The following CLNK variants were observed in gnomAD, a reference collection of about 807,000 sequenced individuals.
CLNK encodes the protein cytokine-dependent hematopoietic cell linker.
Under a neutral mutation model 68.6 loss-of-function variants are expected in CLNK, and 74 were observed. That is an observed-to-expected ratio of 1.08 (90% CI 0.89 to 1.31). CLNK has a LOEUF of 1.31. Among genes scored for constraint, CLNK ranks in the 50% most tolerant of loss-of-function variants. The pLI is 0.00. For missense variants in CLNK, 553 were observed against 515.3 expected, an observed-to-expected ratio of 1.07 and a Z score of -0.71; for synonymous variants, 198 against 172.2, an observed-to-expected ratio of 1.15 and a Z score of -1.17.
chr4:10,526,359 G>C (rs1281656625), intron 13 of CLNK, among the ~76,000 whole-genome samples: 1 of 152,056 alleles, frequency 6.6e-6, no homozygotes, highest in Non-Finnish European at 1.5e-5. Context: ...AGACAGACAT[G>C]GTTCGTACAT....
intron 8 of CLNK, among the ~76,000 whole-genome samples, chr4:10,555,709 C>T (rs960117262): frequency 6.6e-6 from 1 of 152,122 alleles, no homozygotes; most frequent in Non-Finnish European, 1.5e-5. Context: ...CTGAACCAAC[C>T]AATATGTTTT....
chr4:10,583,736 CTGG>C (rs1720872285), intron 4 of CLNK, among the ~76,000 whole-genome samples: 2 of 152,180 alleles, frequency 1.3e-5, no homozygotes, highest in African/African-American at 4.8e-5. Context: ...CTTTTTCCTG[CTGG>C]TGTCTCTAGA....
the CLNK span, among the ~76,000 whole-genome samples, chr4:10,722,757 ACT>A: frequency 6.6e-6 from 1 of 151,978 alleles, no homozygotes; most frequent in African/African-American, 2.4e-5. Flanking sequence ...GGGTTTCAAT[ACT>A]CTCTAGACGG....
intron 1 of CLNK, among the ~76,000 whole-genome samples, chr4:10,679,965 C>T (rs1214631333): frequency 6.6e-6 from 1 of 152,140 alleles, no homozygotes. Flanking sequence ...GTGGTGATTC[C>T]TCAGGGATCT....
intron 15 of CLNK, among the ~76,000 whole-genome samples, chr4:10,514,628 G>T (rs1362148727): frequency 1.3e-5 from 2 of 150,896 alleles, no homozygotes; most frequent in Admixed American, 6.6e-5. Flanking sequence ...TTAAACGTTA[G>T]ACCAAAAACC....
chr4:10,688,949 C>T (rs1450674435), upstream of CLNK, among the ~76,000 whole-genome samples: 1 of 151,834 alleles, frequency 6.6e-6, no homozygotes, highest in South Asian at 2.1e-4. Flanking sequence ...CACCCAGTTT[C>T]CCCCCGAGAA....
At chr4:10,629,958 C>T (rs1245083504) in intron 2 of CLNK, among the ~76,000 whole-genome samples, 1 of 152,182 alleles carries the variant, frequency 6.6e-6, no homozygotes, top group East Asian at 1.9e-4. Flanking sequence ...AGTCCTCACC[C>T]AGGGCTTCTG....
At chr4:10,621,739 T>A (rs1334145472) in intron 2 of CLNK, among the ~76,000 whole-genome samples, 1 of 152,152 alleles carries the variant, frequency 6.6e-6, no homozygotes, top group African/African-American at 2.4e-5. Flanking sequence ...ACTTTCCAGG[T>A]GGGGTCTGGG....
intron 8 of CLNK, among the ~76,000 whole-genome samples, chr4:10,547,895 T>C (rs1265578292): frequency 6.6e-6 from 1 of 152,194 alleles, no homozygotes; most frequent in Non-Finnish European, 1.5e-5. Flanking sequence ...CATCTGTCTA[T>C]GGACCCTTAT....
At chr4:10,561,190 T>C (rs527900404) in intron 7 of CLNK, among the ~76,000 whole-genome samples, 1 of 152,290 alleles carries the variant, frequency 6.6e-6, no homozygotes, top group Admixed American at 6.5e-5. Flanking sequence ...CATGAACTAC[T>C]GCACCTGGCT....
At chr4:10,490,891 A>T (rs1472507174) in intron 18 of CLNK, among the ~76,000 whole-genome samples, 2 of 151,926 alleles carry the variant, frequency 1.3e-5, no homozygotes, top group East Asian at 3.9e-4. Context: ...CAGCCTCCCA[A>T]GTAGCTGGGA....
intron 18 of CLNK, among the ~76,000 whole-genome samples, chr4:10,499,365 C>T (rs1164831946): frequency 6.6e-6 from 1 of 152,088 alleles, no homozygotes; most frequent in Non-Finnish European, 1.5e-5. Context: ...GCTAAGAATC[C>T]TTTGTTCGAG....
chr4:10,543,685 G>A (rs986915611), intron 8 of CLNK, among the ~76,000 whole-genome samples: 1 of 152,186 alleles, frequency 6.6e-6, no homozygotes, highest in Non-Finnish European at 1.5e-5. Context: ...GCACAAACTG[G>A]TCTGTATAAT....
the CLNK span, among the ~76,000 whole-genome samples, chr4:10,707,196 C>G: frequency 1.3e-5 from 2 of 152,066 alleles, no homozygotes; most frequent in Non-Finnish European, 2.9e-5. Flanking sequence ...TTGGACCACA[C>G]ATAAAATATA....
At chr4:10,568,206 AC>A (rs1456940525) in intron 5 of CLNK, among the ~76,000 whole-genome samples, 6 of 152,268 alleles carry the variant, frequency 3.9e-5, no homozygotes, top group Admixed American at 2.6e-4. Context: ...AGCAATGAAA[AC>A]GAGTAAAGTA....
chr4:10,599,162 A>G (rs915012346), intron 2 of CLNK, among the ~76,000 whole-genome samples: 1 of 152,194 alleles, frequency 6.6e-6, no homozygotes, highest in African/African-American at 2.4e-5. Flanking sequence ...TCTCCACTAG[A>G]GCAGAGATTT....
rs138593320 is a variant in CLNK, at chr4:10,576,925, G to A, written c.113-5147C>T. ...GGAGCTCAAATCTCTGGAGGTGCAG[G>A]GCCGGTGCCTTCATCTATGCCCCCA... On this transcript the variant is annotated intron_variant, in intron 4 of 18. Transcript: ENST00000226951. Among the ~76,000 whole-genome samples, 5 of 152,268 alleles carry A rather than the reference G, an allele frequency of 3.3e-5. No individual in the cohort carries two copies. In the East Asian group the frequency reaches 9.6e-4, roughly 29 times the overall value.
At chr4:10,726,872 C>A in the CLNK span, among the ~76,000 whole-genome samples, 1 of 152,118 alleles carries the variant, frequency 6.6e-6, no homozygotes, top group Non-Finnish European at 1.5e-5. Context: ...GGTTAGAGAT[C>A]AAATGGAACT....
At chr4:10,652,336 C>T (rs552248215) in intron 2 of CLNK, among the ~76,000 whole-genome samples, 2 of 137,872 alleles carry the variant, frequency 1.5e-5, no homozygotes, top group African/African-American at 2.7e-5. Context: ...GAGTGGAGAT[C>T]GCGCCACTTC....
Sources: gnomAD v4.1 joint callset for allele counts (sites outside exome capture counted in the v4.1 genomes callset) on GRCh38, gnomAD v4.1.1 for gene constraint, MANE v1.5 for transcripts, NCBI Gene and HGNC (gene_info 2026-07-23, HGNC 2026-07-21) for gene names.